AGBL4: variants seen among roughly 807,000 people sequenced by gnomAD.
AGBL4 encodes AGBL carboxypeptidase 4.
In AGBL4, 58 loss-of-function variants were observed where a neutral mutation model predicts 66.4. The observed-to-expected ratio is 0.87, with a 90% confidence interval of 0.71 to 1.09. The LOEUF (loss-of-function observed/expected upper bound fraction) is 1.09, where lower values mean the gene tolerates loss of function less well. Ranked by LOEUF, AGBL4 falls within the 50% of genes least tolerant of loss-of-function variation. The probability of loss-of-function intolerance (pLI) is 0.00; values close to 1 mark genes in which losing one functional copy is unlikely to be tolerated. For missense variants in AGBL4, 579 were observed against 631.0 expected (o/e 0.92, Z 0.88); for synonymous variants, 234 against 222.9 (o/e 1.05, Z -0.44).
At chr1:49,528,454 T>C (rs1570955000) in intron 3 of AGBL4, among the ~76,000 whole-genome samples, 1 of 152,246 alleles carries the variant, frequency 6.6e-6, no homozygotes, top group South Asian at 2.1e-4. Flanking sequence ...CTGCTCTCTT[T>C]ATGATTAAAC....
At chr1:49,662,171 A>G (rs1646281994) in intron 3 of AGBL4, among the ~76,000 whole-genome samples, 1 of 151,286 alleles carries the variant, frequency 6.6e-6, no homozygotes, top group Admixed American at 6.6e-5. Flanking sequence ...GAATATTTTC[A>G]TTATCTTGAT....
chr1:49,258,792 G>C (rs1263618375), intron 3 of AGBL4, among the ~76,000 whole-genome samples: 1 of 152,110 alleles, frequency 6.6e-6, no homozygotes, highest in Non-Finnish European at 1.5e-5. Context: ...TTCAGATTCA[G>C]GAAATACAGA....
At chr1:48,649,754 A>T (rs1645897538) in intron 8 of AGBL4, among the ~76,000 whole-genome samples, 1 of 152,174 alleles carries the variant, frequency 6.6e-6, no homozygotes, top group African/African-American at 2.4e-5. Flanking sequence ...CCTAGATTGG[A>T]TTATATGCTT....
At chr1:49,748,829 C>A (rs954117263) in intron 2 of AGBL4, among the ~76,000 whole-genome samples, 2 of 152,114 alleles carry the variant, frequency 1.3e-5, no homozygotes, top group South Asian at 2.1e-4. Context: ...CCGTTCATAT[C>A]CTTCACCCAC....
intron 3 of AGBL4, among the ~76,000 whole-genome samples, chr1:49,335,530 T>A (rs1197582465): frequency 6.6e-6 from 1 of 151,966 alleles, no homozygotes; most frequent in Non-Finnish European, 1.5e-5. Flanking sequence ...TTTTCTTTTT[T>A]TTTGAGATGG....
chr1:48,669,296 G>A (rs924127390), intron 6 of AGBL4, among the ~76,000 whole-genome samples: 2 of 152,220 alleles, frequency 1.3e-5, no homozygotes, highest in Non-Finnish European at 2.9e-5. Context: ...TATAATAGCA[G>A]GTGCCATTTA....
intron 4 of AGBL4, among the ~76,000 whole-genome samples, chr1:49,116,579 C>T (rs956730113): frequency 3.3e-5 from 5 of 152,202 alleles, no homozygotes; most frequent in African/African-American, 7.2e-5. Flanking sequence ...CATAGTATTG[C>T]ATGGTGTGTA....
chr1:49,843,308 G>T (rs1437196059), intron 2 of AGBL4, among the ~76,000 whole-genome samples: 1 of 151,762 alleles, frequency 6.6e-6, no homozygotes, highest in East Asian at 1.9e-4. Context: ...GTGTGTGTGT[G>T]TGTGTGTGTG....
chr1:49,358,608 C>G (rs1237555747), intron 3 of AGBL4, among the ~76,000 whole-genome samples: 1 of 152,066 alleles, frequency 6.6e-6, no homozygotes, highest in African/African-American at 2.4e-5. Flanking sequence ...AAATCATTTT[C>G]CTGTGAAACA....
chr1:49,496,226 A>T (rs1647546216), intron 3 of AGBL4, among the ~76,000 whole-genome samples: 1 of 152,060 alleles, frequency 6.6e-6, no homozygotes, highest in Non-Finnish European at 1.5e-5. Flanking sequence ...GCAGCCATTT[A>T]AAATGGAGTC....
At chr1:49,775,966 A>C (rs1644185690) in intron 2 of AGBL4, among the ~76,000 whole-genome samples, 1 of 152,124 alleles carries the variant, frequency 6.6e-6, no homozygotes, top group Admixed American at 6.5e-5. Flanking sequence ...GCATATATTG[A>C]GCAAGTATTG....
At chr1:48,937,052 C>A (rs567083815) in intron 5 of AGBL4, among the ~76,000 whole-genome samples, 1 of 152,302 alleles carries the variant, frequency 6.6e-6, no homozygotes, top group Admixed American at 6.5e-5. Flanking sequence ...CCTTGACAGA[C>A]AGGTAAATCA....
chr1:48,970,723 G>C (rs1658832923), intron 5 of AGBL4, among the ~76,000 whole-genome samples: 1 of 152,120 alleles, frequency 6.6e-6, no homozygotes, highest in Non-Finnish European at 1.5e-5. Context: ...CATACTATTT[G>C]GAGTAGCCTA....
chr1:50,023,183 C>A (rs952562234), intron 1 of AGBL4, among the ~76,000 whole-genome samples: 26 of 152,156 alleles, frequency 1.7e-4, no homozygotes, highest in African/African-American at 6.0e-4. Flanking sequence ...TTTTTAAGGA[C>A]CCATACAAGA....
intron 4 of AGBL4, among the ~76,000 whole-genome samples, chr1:49,062,081 T>A (rs533894129): frequency 1.3e-5 from 2 of 152,140 alleles, no homozygotes; most frequent in Non-Finnish European, 2.9e-5. Context: ...GGATCTAGAT[T>A]GCACTCTCCT....
At chr1:49,366,841 C>T (rs1323904026) in intron 3 of AGBL4, among the ~76,000 whole-genome samples, 1 of 152,150 alleles carries the variant, frequency 6.6e-6, no homozygotes, top group Non-Finnish European at 1.5e-5. Flanking sequence ...GAAAGGTCTT[C>T]CTTTGGCTAC....
At chr1:49,572,524 T>C (rs868100888) in intron 3 of AGBL4, among the ~76,000 whole-genome samples, 104 of 152,222 alleles carry the variant, frequency 6.8e-4, no homozygotes, top group African/African-American at 2.3e-3. Flanking sequence ...TTTCACTGAT[T>C]TTAAAATTTT....
At chr1:49,224,842 G>C (rs998484486) in intron 4 of AGBL4, among the ~76,000 whole-genome samples, 3 of 152,084 alleles carry the variant, frequency 2.0e-5, no homozygotes, top group Admixed American at 6.6e-5. Flanking sequence ...GGAGAAAGTG[G>C]GGTTGGGATA....
At chr1:49,583,556 G>C (rs1644587034) in intron 3 of AGBL4, among the ~76,000 whole-genome samples, 1 of 152,026 alleles carries the variant, frequency 6.6e-6, no homozygotes, top group Non-Finnish European at 1.5e-5. Flanking sequence ...CAGAAATGGG[G>C]GGCAGTCTTA....
Sources: allele counts gnomAD v4.1 joint callset (sites outside exome capture counted in the v4.1 genomes callset), GRCh38; gene constraint gnomAD v4.1.1; transcripts MANE v1.5; gene names NCBI Gene and HGNC (gene_info 2026-07-23, HGNC 2026-07-21).